The following COL18A1 variants were observed in gnomAD, a reference collection of about 807,000 sequenced individuals.
The protein encoded by COL18A1 is collagen alpha-1(XVIII) chain.
A neutral mutation model predicts 168.0 loss-of-function variants in COL18A1; 133 were observed. That is an observed-to-expected ratio of 0.79 (90% confidence interval 0.69 to 0.91). The LOEUF is 0.91. COL18A1 is among the 40% of genes least tolerant of loss of function. The probability of loss-of-function intolerance (pLI) is 0.00; values close to 1 mark genes in which losing one functional copy is unlikely to be tolerated. For synonymous variants in COL18A1, 949 were observed against 809.0 expected (o/e 1.17, Z -2.94); for missense variants, 2,126 against 1,925.4 (o/e 1.10, Z -1.95).
intron 2 of COL18A1, among the ~76,000 whole-genome samples, chr21:45,418,569 G>A (rs528853052): frequency 6.6e-6 from 1 of 152,216 alleles, no homozygotes; most frequent in East Asian, 1.9e-4. Context: ...GAGCCTCGGG[G>A]TGCTCACCGG....
intron 2 of COL18A1, chr21:45,421,332 CAG>C: frequency 6.1e-6 from 3 of 495,784 alleles, no homozygotes; most frequent in South Asian, 4.5e-5. Flanking sequence ...TTGCACGGGG[CAG>C]AGACTCCCAG....
Position 45,456,112 on chromosome 21 carries a change from G to T in COL18A1, c.107-12130G>T, listed in dbSNP as rs372854150. ...GCACCTTGCCTGCACCCACCCCATC[G>T]CCTCCCTCCCTGGGCAGGCCCTGGG... On this transcript the variant is annotated intron_variant, in intron 2 of 41. Transcript: ENST00000651438. 5 of 1,587,792 alleles carry T rather than the reference G, an allele frequency of 3.1e-6. No homozygotes were observed. In the African/African-American group the frequency reaches 5.4e-5, roughly 17 times the overall value.
intron 2 of COL18A1, among the ~76,000 whole-genome samples, chr21:45,437,583 C>T (rs1205790524): frequency 1.6e-5 from 1 of 63,664 alleles, no homozygotes; most frequent in African/African-American, 1.1e-4. Context: ...CTCTCCTGTA[C>T]ACACACACAC....
chr21:45,470,425 C>CTTT (rs1195744330), intron 3 of COL18A1, among the ~76,000 whole-genome samples: 803 of 37,060 alleles, frequency 0.022, 36 homozygotes, highest in African/African-American at 0.047. Context: ...TTTACCTTGT[C>CTTT]TTTTTTTTTT....
rs376993965 is a variant in COL18A1, at chr21:45,428,743, G to A, written c.106+23270G>A. On this transcript the variant is annotated intron_variant, in intron 2 of 41. Coordinates refer to ENST00000651438, the MANE Select transcript of COL18A1 (RefSeq NM_001379500.1). ...CTTTTGTTTCGGGCTCCTCTCACAA[G>A]CCTCACGTTTCCAGGTACGTCGTGG... Among the ~76,000 whole-genome samples the A allele has an allele frequency of 1.0e-3, 159 of 152,266 alleles. 2 individuals are homozygous for A. The highest frequency in any genetic ancestry group is 8.5e-3 in the South Asian group (41 of 4,832).
Position 45,482,806 on chromosome 21 carries a change from C to T in COL18A1, c.1686C>T (p.Gly562=), listed in dbSNP as rs765789260. 17 of 1,614,066 alleles carry T rather than the reference C, an allele frequency of 1.1e-5. No individual in the cohort carries two copies. The highest frequency in any genetic ancestry group is 8.3e-5 in the Admixed American group (5 of 60,002). The change falls in exon 15 of 42, where the codon GGC becomes GGT. Residue 562 remains glycine (G), a synonymous_variant. Coordinates refer to ENST00000651438, the MANE Select transcript of COL18A1 (RefSeq NM_001379500.1). ...TGQKGSLGEA[G]APGHKGSKGA... is the part of the protein sequence containing the mutation. ...TCTTTTCCGTACAGGGTGAAGCAGG[C>T]GCCCCAGGACATAAGGTACAAGCAG...
intron 38 of COL18A1, among the ~76,000 whole-genome samples, chr21:45,508,397 T>C (rs2037366506): frequency 7.3e-6 from 1 of 136,092 alleles, no homozygotes; most frequent in South Asian, 2.3e-4. Flanking sequence ...AGATGGATGG[T>C]GGATAGGTAG....
intron 28 of COL18A1, 101 bp from the exon 29 acceptor site, chr21:45,495,257 G>A: frequency 1.0e-6 from 1 of 985,106 alleles, no homozygotes. Flanking sequence ...CTGAGCGTGG[G>A]CCGGCCGGGC....
intron 2 of COL18A1, among the ~76,000 whole-genome samples, chr21:45,412,797 C>T (rs1306337337): frequency 2.0e-5 from 3 of 152,220 alleles, no homozygotes; most frequent in African/African-American, 7.2e-5. Context: ...AGCGTCTTGA[C>T]TCTGCCTTTG....
intron 2 of COL18A1, chr21:45,456,092 T>C (rs1311025150): frequency 3.1e-6 from 5 of 1,596,308 alleles, no homozygotes; most frequent in Non-Finnish European, 4.3e-6. Flanking sequence ...GGCTGGCACC[T>C]TGCCTGCACC....
rs557358549 is a variant in COL18A1, at chr21:45,477,597, T to C, written c.1005+110T>C. On this transcript the variant is annotated intron_variant, in intron 7 of 41. Coordinates refer to ENST00000651438, the MANE Select transcript of COL18A1 (RefSeq NM_001379500.1). ...AAGCCCCTCTGTGCCCGTGCCTCCTTTGTGCCCAGCACTCGGTGCCAGCAT... is the reference window on the plus strand; with the variant it reads ...AAGCCCCTCTGTGCCCGTGCCTCCTCTGTGCCCAGCACTCGGTGCCAGCAT... 2.0e-4 allele frequency: 259 copies of C among 1,303,442 alleles called. No homozygotes were observed. The African/African-American group carries it at 3.3e-3, about 17-fold the overall frequency. 80.7% of individuals were successfully genotyped at this position (1,303,442 alleles called of 1,614,324 possible).
intron 36 of COL18A1, 152 bp downstream of exon 36, chr21:45,505,583 A>G (rs940205978): frequency 2.2e-5 from 15 of 679,534 alleles, no homozygotes; most frequent in South Asian, 3.2e-5. Context: ...GGGCCAGGCC[A>G]TGGGGGAATC....
chr21:45,466,164 C>G (rs1055390336), intron 2 of COL18A1, among the ~76,000 whole-genome samples: 3 of 152,168 alleles, frequency 2.0e-5, no homozygotes, highest in Non-Finnish European at 4.4e-5. Flanking sequence ...TCCCCGGTCC[C>G]CTAAGATAAG....
chr21:45,432,339 G>T (rs1049515610), intron 2 of COL18A1, among the ~76,000 whole-genome samples: 1 of 152,218 alleles, frequency 6.6e-6, no homozygotes, highest in African/African-American at 2.4e-5. Flanking sequence ...GCCGCTGAGG[G>T]ACCCCCCACT....
chr21:45,442,632 G>A (rs1188451585), intron 2 of COL18A1, among the ~76,000 whole-genome samples: 2 of 150,360 alleles, frequency 1.3e-5, no homozygotes, highest in Non-Finnish European at 3.0e-5. Flanking sequence ...TGTGGGCAGC[G>A]GGGCTGGTGT....
chr21:45,439,187 C>T (rs1359368717), intron 2 of COL18A1, among the ~76,000 whole-genome samples: 2 of 152,254 alleles, frequency 1.3e-5, no homozygotes, highest in Non-Finnish European at 2.9e-5. Flanking sequence ...CTGTAATCAG[C>T]AAACGTGTTC....
At chr21:45,413,749 CCCCGCCAG>C (rs1407261981) in intron 2 of COL18A1, among the ~76,000 whole-genome samples, 2 of 144,380 alleles carry the variant, frequency 1.4e-5, no homozygotes, top group East Asian at 4.2e-4. Flanking sequence ...GAAGCAAAGG[CCCCGCCAG>C]CCATGCCCAG....
At position 45,482,953 on chromosome 21, in the gene COL18A1, T is replaced by G. The variant is rs2035952091; in HGVS notation, c.1701+132T>G. The G allele has an allele frequency of 2.3e-6, 3 of 1,322,716 alleles. No individual in the cohort carries two copies. The South Asian group carries it at 3.6e-5, about 16-fold the overall frequency. 81.9% of individuals were successfully genotyped at this position (1,322,716 alleles called of 1,614,324 possible). A position where few individuals can be genotyped will look rare whatever the true frequency, so the allele number is the denominator to read the frequency against. On this transcript the variant is annotated intron_variant, in intron 15 of 41. Coordinates refer to ENST00000651438, the MANE Select transcript of COL18A1 (RefSeq NM_001379500.1). ...TGGGGCTGGCCTTGACCCCCACTCC[T>G]GCCATCTGTCCATCCGTCCTGCCGG...
At chr21:45,447,829 T>C (rs1039216101) in intron 2 of COL18A1, among the ~76,000 whole-genome samples, 10 of 152,058 alleles carry the variant, frequency 6.6e-5, no homozygotes, top group Admixed American at 1.3e-4. Context: ...TCGCCCTCAG[T>C]GAACTTTATC....
Sources: gnomAD v4.1 joint callset for allele counts (sites outside exome capture counted in the v4.1 genomes callset) on GRCh38, gnomAD v4.1.1 for gene constraint, MANE v1.5 for transcripts, NCBI Gene and HGNC (gene_info 2026-07-23, HGNC 2026-07-21) for gene names.